The following ADAMTS20 variants were observed in gnomAD, a reference collection of about 807,000 sequenced individuals.
ADAMTS20 encodes A disintegrin and metalloproteinase with thrombospondin motifs 20.
A neutral mutation model predicts 260.1 loss-of-function variants in ADAMTS20; 225 were observed. The ratio of observed to expected loss-of-function variants is 0.87; its 90% CI spans 0.78 to 0.97. The LOEUF (loss-of-function observed/expected upper bound fraction) is 0.97, where lower values mean the gene tolerates loss of function less well. Among genes scored for constraint, ADAMTS20 ranks in the 50% least tolerant of loss-of-function variants. ADAMTS20 has a pLI of 0.00. For missense variants in ADAMTS20, 2,400 were observed against 2,337.7 expected (o/e 1.03, Z -0.55); for synonymous variants, 802 against 769.5 (o/e 1.04, Z -0.70).
At chr12:43,382,007 G>A (rs1940365359) in intron 31 of ADAMTS20, among the ~76,000 whole-genome samples, 5 of 152,078 alleles carry the variant, frequency 3.3e-5, no homozygotes, top group Admixed American at 3.3e-4. Flanking sequence ...ATGATATGGA[G>A]AGAGAAATAG....
chr12:43,449,085 A>G (rs1398851276), intron 14 of ADAMTS20, among the ~76,000 whole-genome samples: 1 of 152,168 alleles, frequency 6.6e-6, no homozygotes, highest in East Asian at 1.9e-4. Flanking sequence ...GCGATTCCCT[A>G]AAGAGCTAAA....
chr12:43,454,442 C>T lies in ADAMTS20; in HGVS notation c.1615-390G>A, dbSNP rs540397142. Among the ~76,000 whole-genome samples, 4 of 152,130 alleles carry T rather than the reference C, an allele frequency of 2.6e-5. No homozygotes were observed. In the South Asian group the frequency reaches 8.3e-4, roughly 32 times the overall value. On this transcript the variant is annotated intron_variant, in intron 11 of 38. Coordinates refer to ENST00000389420, the MANE Select transcript of ADAMTS20 (RefSeq NM_025003.5). ...TTCCACTCTTATAAAAAGCTTTCTA[C>T]TTTATTCTATCCGAAGTCTCAAATG...
intron 7 of ADAMTS20, among the ~76,000 whole-genome samples, chr12:43,487,982 A>G (rs117775139): frequency 2.4e-3 from 360 of 152,268 alleles, no homozygotes; most frequent in South Asian, 5.0e-3. Flanking sequence ...TTCAATGTAT[A>G]GTTTGGGGAA....
chr12:43,463,040 A>C, intron 10 of ADAMTS20, 41 bp from the exon 11 acceptor site: 8 of 1,322,584 alleles, frequency 6.0e-6, no homozygotes, highest in Non-Finnish European at 7.5e-6. Context: ...TGTAAAGATA[A>C]CACCACAACA....
chr12:43,472,574 G>A (rs968801614), intron 7 of ADAMTS20, among the ~76,000 whole-genome samples: 2 of 132,880 alleles, frequency 1.5e-5, no homozygotes, highest in African/African-American at 2.9e-5. Context: ...AAATGTGAAG[G>A]GCAGCCAGAG....
intron 26 of ADAMTS20, among the ~76,000 whole-genome samples, 187 bp from the exon 27 acceptor site, chr12:43,427,656 T>C (rs975944698): frequency 6.6e-6 from 1 of 152,206 alleles, no homozygotes; most frequent in Non-Finnish European, 1.5e-5. Flanking sequence ...GGAGCTTCAT[T>C]AGAATTTGTT....
chr12:43,354,967 A>AT (rs1939713044), intron 38 of ADAMTS20, among the ~76,000 whole-genome samples: 1 of 152,234 alleles, frequency 6.6e-6, no homozygotes, highest in South Asian at 2.1e-4. Flanking sequence ...TCAGGACGTG[A>AT]TAGACGCCTC....
At chr12:43,495,421 T>C (rs1477723690) in intron 4 of ADAMTS20, among the ~76,000 whole-genome samples, 1 of 152,194 alleles carries the variant, frequency 6.6e-6, no homozygotes, top group African/African-American at 2.4e-5. Context: ...CTGCAAATAG[T>C]ATTTAGATTA....
intron 37 of ADAMTS20, among the ~76,000 whole-genome samples, chr12:43,361,350 G>A (rs1939862807): frequency 6.6e-6 from 1 of 152,202 alleles, no homozygotes; most frequent in African/African-American, 2.4e-5. Context: ...TTGTATTTTT[G>A]GTAACAGTAG....
At position 43,432,630 on chromosome 12, in the gene ADAMTS20, T is replaced by A; in HGVS notation, c.2902A>T (p.Thr968Ser). ...QELCHGNCVF[T>S]RWHYSEWSQC... The stretch of plus-strand genomic sequence containing the variant: ...GACCATTCTGAATAATGCCATCTTG[T>A]GAAGACACAGTTACCATGGCATAGT... The change falls in exon 20 of 39, where the codon ACA (threonine) becomes TCA (serine). Residue 968 changes from threonine (T) to serine (S), a missense_variant. Coordinates refer to ENST00000389420, the MANE Select transcript of ADAMTS20 (RefSeq NM_025003.5). The A allele has an allele frequency of 3.1e-6, 5 of 1,613,994 alleles. No individual in the cohort carries two copies.
At chr12:43,376,412 T>G in intron 33 of ADAMTS20, 82 bp from the exon 34 acceptor site, 1 of 1,442,054 alleles carries the variant, frequency 6.9e-7, no homozygotes, top group Non-Finnish European at 9.4e-7. Flanking sequence ...ATTGCTACAC[T>G]CTGAATATCT....
At chr12:43,356,060 C>T (rs1450586562) in intron 38 of ADAMTS20, among the ~76,000 whole-genome samples, 1 of 152,094 alleles carries the variant, frequency 6.6e-6, no homozygotes, top group African/African-American at 2.4e-5. Flanking sequence ...ATCACTAAAA[C>T]AGTGAGGGAA....
In ADAMTS20 at chr12:43,514,086, T is replaced by TA. The variant is rs71091163; in HGVS notation, c.614-11682dup. 2.9e-3 allele frequency among the ~76,000 whole-genome samples: 290 copies of TA among 100,522 alleles called. 1 individual carries two copies. Among genetic ancestry groups the TA allele is most frequent in the African/African-American group, 6.1e-3 (155 of 25,400 alleles). 65.9% of individuals were successfully genotyped at this position (100,522 alleles called of 152,430 possible). The stretch of plus-strand genomic sequence containing the variant: ...TTTAAAAAAAAGAGAGAATAAACTC[T>TA]AAAAAAAAAAAAAAAAAAAAAAAAG... On this transcript the variant is annotated intron_variant, in intron 3 of 38. Coordinates refer to ENST00000389420, the MANE Select transcript of ADAMTS20 (RefSeq NM_025003.5).
intron 35 of ADAMTS20, 24 bp downstream of exon 35, chr12:43,376,033 G>C (rs1480295000): frequency 6.4e-7 from 1 of 1,560,946 alleles, no homozygotes; most frequent in Non-Finnish European, 8.7e-7. Context: ...AAAATGCTCA[G>C]ATAGACCAAA....
At chr12:43,475,344 T>C (rs1191749045) in intron 7 of ADAMTS20, among the ~76,000 whole-genome samples, 7 of 130,340 alleles carry the variant, frequency 5.4e-5, no homozygotes, top group East Asian at 2.2e-4. Context: ...TAAAAGAGGA[T>C]ACAAACAAAT....
intron 28 of ADAMTS20, among the ~76,000 whole-genome samples, chr12:43,403,349 A>T (rs929309391): frequency 3.9e-5 from 6 of 152,158 alleles, no homozygotes; most frequent in Admixed American, 3.9e-4. Context: ...TAAGGAAATA[A>T]AATTCATTTA....
chr12:43,536,635 T>C lies in ADAMTS20; in HGVS notation c.454-4440A>G, dbSNP rs188276396. Among the ~76,000 whole-genome samples the C allele has an allele frequency of 3.1e-4, 47 of 152,222 alleles. No individual in the cohort carries two copies. In the Middle Eastern group the frequency reaches 0.01, roughly 33 times the overall value. ...GAAAATTCTGGGAGGACATTCCACA[T>C]AGAAGGGAATATTCCAAACGGTGAC... On this transcript the variant is annotated intron_variant, in intron 2 of 38. Coordinates refer to ENST00000389420, the MANE Select transcript of ADAMTS20 (RefSeq NM_025003.5).
At chr12:43,392,439 A>C (rs1940615471) in intron 29 of ADAMTS20, among the ~76,000 whole-genome samples, 1 of 152,142 alleles carries the variant, frequency 6.6e-6, no homozygotes, top group African/African-American at 2.4e-5. Context: ...AGTTTTTAAA[A>C]ATCCACTAAG....
At chr12:43,417,088 T>C (rs1164062333) in intron 28 of ADAMTS20, among the ~76,000 whole-genome samples, 1 of 152,220 alleles carries the variant, frequency 6.6e-6, no homozygotes, top group Admixed American at 6.5e-5. Flanking sequence ...TTCTTATTTA[T>C]CTTGTTTCCC....
Sources: allele counts gnomAD v4.1 joint callset (sites outside exome capture counted in the v4.1 genomes callset), GRCh38; gene constraint gnomAD v4.1.1; transcripts MANE v1.5; gene names NCBI Gene and HGNC (gene_info 2026-07-23, HGNC 2026-07-21).